EYA4: variants seen among roughly 807,000 people sequenced by gnomAD.
EYA4 encodes protein phosphatase EYA4.
In EYA4, 31 loss-of-function variants were observed where a neutral mutation model predicts 87.9. The observed-to-expected ratio is 0.35, with a 90% CI of 0.27 to 0.48. The LOEUF (loss-of-function observed/expected upper bound fraction) is 0.48. Among genes scored for constraint, EYA4 ranks in the 20% least tolerant of loss-of-function variants. The probability of loss-of-function intolerance (pLI) is 0.99; values close to 1 mark genes in which losing one functional copy is unlikely to be tolerated. For missense variants in EYA4, 678 were observed against 761.4 expected (o/e 0.89, Z 1.29); for synonymous variants, 263 against 270.6 (o/e 0.97, Z 0.28).
At chr6:133,248,867 TTTTG>T (rs1195048110) in intron 1 of EYA4, 3 of 109,246 alleles carry the variant, frequency 2.7e-5, no homozygotes, top group Non-Finnish European at 5.7e-5. Context: ...TACTGTTTTA[TTTTG>T]TTTTTTTTTT....
rs1284430853 is a variant in EYA4 at position 133,376,428 on chromosome 6, A to G, written c.34-5964A>G. ...AGACTCAATTATTAATGCTCATTTC[A>G]AAACAAAATGAAGTTCCAAAAGAGA... On this transcript the variant is annotated intron_variant, in intron 2 of 19. Coordinates refer to ENST00000355286, the MANE Select transcript of EYA4 (RefSeq NM_004100.5). 2.6e-5 allele frequency among the ~76,000 whole-genome samples: 4 copies of G among 151,898 alleles called. No homozygotes were observed. In the East Asian group the frequency reaches 7.7e-4, roughly 29 times the overall value.
intron 2 of EYA4, among the ~76,000 whole-genome samples, chr6:133,280,331 C>T (rs1179120216): frequency 2.0e-5 from 3 of 152,180 alleles, no homozygotes; most frequent in Non-Finnish European, 4.4e-5. Context: ...TAGATGCGTT[C>T]AGTATAATTT....
At chr6:133,429,830 A>G (rs1791023737) in intron 3 of EYA4, among the ~76,000 whole-genome samples, 1 of 152,144 alleles carries the variant, frequency 6.6e-6, no homozygotes, top group African/African-American at 2.4e-5. Context: ...GAGTTGGTGG[A>G]TTTCAGAAAT....
chr6:133,441,363 A>G (rs1189835042), intron 3 of EYA4, among the ~76,000 whole-genome samples: 1 of 152,200 alleles, frequency 6.6e-6, no homozygotes, highest in Non-Finnish European at 1.5e-5. Context: ...CCTATGCAAT[A>G]TAGAGATACA....
intron 11 of EYA4, among the ~76,000 whole-genome samples, chr6:133,474,857 AAACCC>A (rs1434464931): frequency 6.6e-6 from 1 of 152,152 alleles, no homozygotes; most frequent in Non-Finnish European, 1.5e-5. Flanking sequence ...ACCTAAAATT[AAACCC>A]ACAGTTTTTC....
chr6:133,269,739 A>G (rs1014331122), intron 1 of EYA4, among the ~76,000 whole-genome samples: 2 of 152,246 alleles, frequency 1.3e-5, no homozygotes, highest in African/African-American at 2.4e-5. Flanking sequence ...TGAATATTCA[A>G]TAAACTGAAT....
intron 3 of EYA4, among the ~76,000 whole-genome samples, chr6:133,413,555 A>G (rs1583212826): frequency 6.6e-6 from 1 of 151,392 alleles, no homozygotes; most frequent in Admixed American, 6.6e-5. Flanking sequence ...CTTTCCTGCC[A>G]TCTTTTGATT....
intron 13 of EYA4, among the ~76,000 whole-genome samples, chr6:133,491,331 GA>G (rs1288040163): frequency 1.3e-5 from 2 of 151,546 alleles, no homozygotes; most frequent in African/African-American, 2.4e-5. Flanking sequence ...AAATGAACTT[GA>G]AATGAAAAAA....
At chr6:133,403,128 G>T (rs1583185221) in intron 3 of EYA4, among the ~76,000 whole-genome samples, 1 of 151,978 alleles carries the variant, frequency 6.6e-6, no homozygotes, top group Admixed American at 6.5e-5. Context: ...TATGCATTTT[G>T]TGGAAAAGGA....
chr6:133,456,520 G>A (rs760506744), intron 5 of EYA4, 36 bp from the exon 6 acceptor site: 1 of 1,372,750 alleles, frequency 7.3e-7, no homozygotes, highest in African/African-American at 1.4e-5. Flanking sequence ...CATAAATTTA[G>A]AAGTAAAACT....
In EYA4 at chr6:133,469,467, A is replaced by G. The variant is rs1398177382; in HGVS notation, c.970+736A>G. ...TACCTGATTTAAAGACTTATAATGT[A>G]CAGTAATCAAGAGAGTGCAAAAGGA... On this transcript the variant is annotated intron_variant, in intron 11 of 19. Transcript: ENST00000355286. 2.6e-5 allele frequency among the ~76,000 whole-genome samples: 4 copies of G among 152,162 alleles called. No individual in the cohort carries two copies. In the East Asian group the frequency reaches 7.7e-4, roughly 29 times the overall value.
chr6:133,413,279 A>AGGAC (rs1369448778), intron 3 of EYA4, among the ~76,000 whole-genome samples: 1 of 152,180 alleles, frequency 6.6e-6, no homozygotes, highest in Non-Finnish European at 1.5e-5. Context: ...TCATAGTTCC[A>AGGAC]CATTTGAAGG....
At chr6:133,310,922 C>T (rs1283150887) in intron 2 of EYA4, among the ~76,000 whole-genome samples, 1 of 152,124 alleles carries the variant, frequency 6.6e-6, no homozygotes, top group African/African-American at 2.4e-5. Context: ...TTATATTATT[C>T]TTGTTTAGTT....
At chr6:133,359,646 A>T (rs188219823) in intron 2 of EYA4, among the ~76,000 whole-genome samples, 1 of 152,202 alleles carries the variant, frequency 6.6e-6, no homozygotes, top group African/African-American at 2.4e-5. Context: ...ACAGGCAGTC[A>T]TGTTTGACTA....
intron 2 of EYA4, among the ~76,000 whole-genome samples, chr6:133,325,668 C>A (rs1307884585): frequency 6.6e-6 from 1 of 152,130 alleles, no homozygotes; most frequent in Non-Finnish European, 1.5e-5. Context: ...ATGTATAAAT[C>A]TGCATCTGGA....
chr6:133,461,012 CAT>C, intron 6 of EYA4, 100 bp from the exon 7 acceptor site: 2 of 820,738 alleles, frequency 2.4e-6, no homozygotes, highest in Non-Finnish European at 4.3e-6. Flanking sequence ...TTTCTGGAAA[CAT>C]GTATTTAACA....
At chr6:133,308,557 A>G (rs1282135265) in intron 2 of EYA4, among the ~76,000 whole-genome samples, 4 of 152,064 alleles carry the variant, frequency 2.6e-5, no homozygotes, top group Admixed American at 6.6e-5. Context: ...CCCCTTTCTA[A>G]TGGCTCCCAG....
chr6:133,336,007 T>A (rs149230827), intron 2 of EYA4, among the ~76,000 whole-genome samples: 1 of 152,088 alleles, frequency 6.6e-6, no homozygotes, highest in African/African-American at 2.4e-5. Flanking sequence ...ATGGAAGAAA[T>A]TAAAATTCAT....
chr6:133,381,742 C>A (rs1786244623), intron 2 of EYA4, among the ~76,000 whole-genome samples: 1 of 151,918 alleles, frequency 6.6e-6, no homozygotes, highest in Non-Finnish European at 1.5e-5. Context: ...TGGATTTCAC[C>A]ATCTTTAGAG....
Sources: gnomAD v4.1 joint callset for allele counts (sites outside exome capture counted in the v4.1 genomes callset) on GRCh38, gnomAD v4.1.1 for gene constraint, MANE v1.5 for transcripts, NCBI Gene and HGNC (gene_info 2026-07-23, HGNC 2026-07-21) for gene names.